Variants in ASAP2 observed in about 807,000 individuals in gnomAD.
ASAP2 encodes ArfGAP with SH3 domain, ankyrin repeat and PH domain 2, also known as arf-GAP with SH3 domain, ANK repeat and PH domain-containing protein 2.
A neutral mutation model predicts 131.4 loss-of-function variants in ASAP2; 45 were observed. The observed-to-expected ratio is 0.34, with a 90% CI of 0.27 to 0.44. The LOEUF (loss-of-function observed/expected upper bound fraction) is 0.44, where lower values mean the gene tolerates loss of function less well. ASAP2 is among the 20% of genes least tolerant of loss of function. The probability of loss-of-function intolerance (pLI) is 1.00; values close to 1 mark genes in which losing one functional copy is unlikely to be tolerated. For missense variants in ASAP2, 1,011 were observed against 1,297.0 expected (o/e 0.78, Z 3.39); for synonymous variants, 510 against 503.0 (o/e 1.01, Z -0.19).
rs71437660 is a variant in ASAP2, at chr2:9,366,635, G to A, written c.1462-1790G>A. Reference sequence around the variant, plus strand: ...CTGTTGTCCCTGGGAAAATTGCAACGCAGCCTCTAGGCTTTTGCCTCCTGA... The same window carrying A: ...CTGTTGTCCCTGGGAAAATTGCAACACAGCCTCTAGGCTTTTGCCTCCTGA... On this transcript the variant is annotated intron_variant, in intron 15 of 27. Transcript: ENST00000281419. Among the ~76,000 whole-genome samples, 354 of 152,272 alleles carry A rather than the reference G, an allele frequency of 2.3e-3. 1 individual carries two copies. The highest frequency in any genetic ancestry group is 9.1e-3 in the South Asian group (44 of 4,826).
chr2:9,291,740 G>C (rs1411297867), intron 2 of ASAP2, among the ~76,000 whole-genome samples: 1 of 152,146 alleles, frequency 6.6e-6, no homozygotes, highest in South Asian at 2.1e-4. Context: ...GTCTGGCCTG[G>C]AGCAGGGGTT....
chr2:9,226,791 C>G (rs1662801748), intron 1 of ASAP2, among the ~76,000 whole-genome samples: 1 of 152,232 alleles, frequency 6.6e-6, no homozygotes, highest in African/African-American at 2.4e-5. Context: ...TGTGCTCTTC[C>G]CTGGCCTAAC....
At position 9,279,470 on chromosome 2, in the gene ASAP2, T is replaced by C. The variant is rs1157480550; in HGVS notation, c.199+81T>C. 10 of 1,340,152 alleles carry C rather than the reference T, an allele frequency of 7.5e-6. No homozygotes were observed. In the East Asian group the frequency reaches 1.6e-4, roughly 22 times the overall value. 83.0% of individuals were successfully genotyped at this position (1,340,152 alleles called of 1,614,324 possible). On this transcript the variant is annotated intron_variant, in intron 2 of 27. Coordinates refer to ENST00000281419, the MANE Select transcript of ASAP2 (RefSeq NM_003887.3). Reference sequence around the variant, plus strand: ...CCTGGTACCGTAATATTGATGACCATTAACAAATGAGCCAGCTAGACTCCT... The same window carrying C: ...CCTGGTACCGTAATATTGATGACCACTAACAAATGAGCCAGCTAGACTCCT...
intron 1 of ASAP2, among the ~76,000 whole-genome samples, chr2:9,218,865 A>G (rs1228046639): frequency 6.6e-6 from 1 of 152,138 alleles, no homozygotes; most frequent in Non-Finnish European, 1.5e-5. Flanking sequence ...AGTTAGAGCT[A>G]AGAGTGAACG....
rs750612400 is a variant in ASAP2, at chr2:9,380,807, T to C, written c.2015T>C (p.Leu672Pro). 4.3e-6 allele frequency: 7 copies of C among 1,613,964 alleles called. No individual in the cohort carries two copies. The highest frequency in any genetic ancestry group is 5.9e-6 in the Non-Finnish European group (7 of 1,179,982). The change falls in exon 20 of 28, where the codon CTG (leucine) becomes CCG (proline). Residue 672 changes from leucine (L) to proline (P), a missense_variant and splice_region_variant. Physicochemically the swap from Leu to Pro is moderately conservative, Grantham distance 98. Transcript: ENST00000281419. ...KRLKHEHCEE[L>P]LTQALSGRFN... is the part of the protein sequence containing the mutation. ...CTCAAGCACGAGCACTGTGAGGAGC[T>C]GGTGAGTCTCCCACCACAAGGACGG... is the stretch of plus-strand genomic sequence containing the variant.
intron 1 of ASAP2, among the ~76,000 whole-genome samples, chr2:9,209,496 CAAAT>C (rs1417356478): frequency 3.9e-5 from 6 of 152,204 alleles, no homozygotes; most frequent in African/African-American, 1.2e-4. Context: ...ACTCATTTAA[CAAAT>C]AAATAAAATT....
chr2:9,346,661 C>G (rs1671987408), intron 11 of ASAP2, among the ~76,000 whole-genome samples: 1 of 152,202 alleles, frequency 6.6e-6, no homozygotes, highest in Admixed American at 6.5e-5. Flanking sequence ...CTCCGATTGA[C>G]TGCCTCAGTG....
chr2:9,361,862 G>T (rs113395008), intron 15 of ASAP2, among the ~76,000 whole-genome samples: 217 of 152,254 alleles, frequency 1.4e-3, no homozygotes, highest in African/African-American at 5.0e-3. Flanking sequence ...ACTGCGCTTG[G>T]CCTCAAGCCT....
In ASAP2 at chr2:9,350,848, A is replaced by G; in HGVS notation, c.1064A>G (p.Gln355Arg). The G allele has an allele frequency of 1.9e-6, 3 of 1,613,740 alleles. No homozygotes were observed. The highest frequency in any genetic ancestry group is 2.5e-6 in the Non-Finnish European group (3 of 1,179,754). Residue 355 changes from glutamine (Q) to arginine (R), a missense_variant, in exon 12 of 28, where the codon CAG (glutamine) becomes CGG (arginine). Coordinates refer to ENST00000281419, the MANE Select transcript of ASAP2 (RefSeq NM_003887.3). ...GCAAAGCTCAACCTGCTAACCTGCCAGGTGAAGACCAACCCTGAGGAGAAG... is the reference window on the plus strand; with the variant it reads ...GCAAAGCTCAACCTGCTAACCTGCCGGGTGAAGACCAACCCTGAGGAGAAG... ...PPAKLNLLTC[Q>R]VKTNPEEKKC...
Position 9,318,509 on chromosome 2 carries a change from G to T in ASAP2, c.346-15G>T, listed in dbSNP as rs778496359. The T allele has an allele frequency of 1.9e-6, 3 of 1,597,544 alleles. No individual in the cohort carries two copies. Among genetic ancestry groups the T allele is most frequent in the Non-Finnish European group, 2.6e-6 (3 of 1,165,340 alleles). The stretch of plus-strand genomic sequence containing the variant: ...GGAAGCTGAATAAGAATCTCCTTTT[G>T]TTTTTGTTTTTTAGATTCAGAATAT... On this transcript the variant is annotated splice_polypyrimidine_tract_variant and intron_variant, in intron 3 of 27. Transcript: ENST00000281419.
At position 9,389,269 on chromosome 2, in the gene ASAP2, G is replaced by T. The variant is rs1675534906; in HGVS notation, c.2383+723G>T. Among the ~76,000 whole-genome samples, 1 of 152,252 alleles carries T rather than the reference G, an allele frequency of 6.6e-6. No homozygotes were observed. Among genetic ancestry groups the T allele is most frequent in the Non-Finnish European group, 1.5e-5 (1 of 68,052 alleles). On this transcript the variant is annotated intron_variant, in intron 22 of 27. Coordinates refer to ENST00000281419, the MANE Select transcript of ASAP2 (RefSeq NM_003887.3). This position sits in a 1 kb window ranked among gnomAD's most constrained non-coding sequence, Gnocchi z 4.7. ...CAGCTCTGGGCTGAGCTCCAGTCGTGGCCATGGCCTTCAGAGGGTTTCCCA... is the reference window on the plus strand; with the variant it reads ...CAGCTCTGGGCTGAGCTCCAGTCGTTGCCATGGCCTTCAGAGGGTTTCCCA...
In ASAP2 at chr2:9,327,902, C is replaced by T. The variant is rs1389171007; in HGVS notation, c.677C>T (p.Ala226Val). Residue 226 changes from alanine (A) to valine (V), a missense_variant, in exon 7 of 28, where the codon GCC (alanine) becomes GTC (valine). Around this residue, in one of 2 missense-constraint regions of ASAP2, gnomAD observed 359 missense variants for 598.1 expected, o/e 0.60. Transcript: ENST00000281419. The stretch of plus-strand genomic sequence containing the variant: ...CAGAATCTGATCAAATACTTTCATG[C>T]CCAATGCAAGTAAGTTCTTCTCTGT... ...LLQNLIKYFH[A>V]QCNFFQDGLK... 9 of 1,571,896 alleles carry T rather than the reference C, an allele frequency of 5.7e-6. No homozygotes were observed. The South Asian group carries it at 1.1e-4, about 19-fold the overall frequency.
At chr2:9,271,035 CA>C in intron 1 of ASAP2, among the ~76,000 whole-genome samples, 1 of 151,842 alleles carries the variant, frequency 6.6e-6, no homozygotes, top group African/African-American at 2.4e-5. Context: ...CCTCGTGATC[CA>C]CCTGCCTCGG....
chr2:9,399,711 T>A (rs535445634), intron 24 of ASAP2: 1 of 434,572 alleles, frequency 2.3e-6, no homozygotes, highest in Non-Finnish European at 4.2e-6. Flanking sequence ...GGGAAGGGGC[T>A]GAGCAGACTC....
At chr2:9,334,711 A>G (rs1426498497) in intron 7 of ASAP2, 27 bp from the exon 8 acceptor site, 1 of 1,597,892 alleles carries the variant, frequency 6.3e-7, no homozygotes, top group South Asian at 1.1e-5. Flanking sequence ...GTGAAATGTC[A>G]TCTCTGTTTC....
chr2:9,276,999 G>A (rs986596579), intron 1 of ASAP2, among the ~76,000 whole-genome samples: 1 of 152,186 alleles, frequency 6.6e-6, no homozygotes, highest in Non-Finnish European at 1.5e-5. Flanking sequence ...AAAGAGGAGT[G>A]GCTTTTATTA....
At position 9,400,012 on chromosome 2, in the gene ASAP2, T is replaced by C. The variant is rs1228521609; in HGVS notation, c.2685-11T>C. The stretch of plus-strand genomic sequence containing the variant: ...GGTAGCAGTAAATCTACTTTTTCCC[T>C]GTCTTTGTAGGGCTGACAAGTCCAC... On this transcript the variant is annotated splice_polypyrimidine_tract_variant and intron_variant, in intron 24 of 27. Coordinates refer to ENST00000281419, the MANE Select transcript of ASAP2 (RefSeq NM_003887.3). 2.1e-5 allele frequency: 34 copies of C among 1,612,952 alleles called. No homozygotes were observed. Among genetic ancestry groups the C allele is most frequent in the Non-Finnish European group, 2.9e-5 (34 of 1,179,474 alleles).
intron 1 of ASAP2, among the ~76,000 whole-genome samples, chr2:9,256,225 T>C (rs1572268284): frequency 6.7e-6 from 1 of 149,550 alleles, no homozygotes; most frequent in East Asian, 2.0e-4. Flanking sequence ...ATTTAATGAA[T>C]ATTTATTGAG....
At chr2:9,380,124 G>A (rs1301192675) in intron 19 of ASAP2, among the ~76,000 whole-genome samples, 3 of 152,154 alleles carry the variant, frequency 2.0e-5, no homozygotes, top group South Asian at 2.1e-4. Context: ...ATGATGAATC[G>A]CTTTATTCAA....
Sources: allele counts gnomAD v4.1 joint callset (sites outside exome capture counted in the v4.1 genomes callset), GRCh38; gene constraint gnomAD v4.1.1; regional missense constraint gnomAD v4.1.1; non-coding constraint Gnocchi (gnomAD v3.1); transcripts MANE v1.5; gene names NCBI Gene and HGNC (gene_info 2026-07-23, HGNC 2026-07-21).